MARCHF10: variants seen among roughly 807,000 people sequenced by gnomAD.
The protein encoded by MARCHF10 is membrane associated ring-CH-type finger 10, also known as probable E3 ubiquitin-protein ligase MARCHF10.
A neutral mutation model predicts 76.2 loss-of-function variants in MARCHF10; 64 were observed. That is an observed-to-expected ratio of 0.84 (90% CI 0.69 to 1.03). The LOEUF is 1.03. Among genes scored for constraint, MARCHF10 ranks in the 50% least tolerant of loss-of-function variants. The probability of loss-of-function intolerance (pLI) is 0.00; values close to 1 mark genes in which losing one functional copy is unlikely to be tolerated. For synonymous variants in MARCHF10, 340 were observed against 357.5 expected, an observed-to-expected ratio of 0.95 and a Z score of 0.55; for missense variants, 875 against 958.0, an observed-to-expected ratio of 0.91 and a Z score of 1.14.
At chr17:62,800,381 T>TA (rs1346350688) in intron 2 of MARCHF10, among the ~76,000 whole-genome samples, 1 of 152,194 alleles carries the variant, frequency 6.6e-6, no homozygotes, top group Non-Finnish European at 1.5e-5. Context: ...GAAAAGCAGT[T>TA]AGACTCCCAG....
chr17:62,784,525 G>A (rs993349532), intron 3 of MARCHF10, among the ~76,000 whole-genome samples: 19 of 152,170 alleles, frequency 1.2e-4, no homozygotes, highest in Non-Finnish European at 1.3e-4. Context: ...TCTGGCCAGG[G>A]CAATCAGGCA....
At chr17:62,713,579 A>G (rs2090041833) in intron 8 of MARCHF10, among the ~76,000 whole-genome samples, 1 of 152,152 alleles carries the variant, frequency 6.6e-6, no homozygotes, top group Non-Finnish European at 1.5e-5. Context: ...CAGCCCACCA[A>G]TCAGAGCAGG....
chr17:62,724,939 T>G lies in MARCHF10; in HGVS notation c.2103A>C (p.Ser701=). 1 of 1,611,552 alleles carries G rather than the reference T, an allele frequency of 6.2e-7. No individual in the cohort carries two copies. Among genetic ancestry groups the G allele is most frequent in the Non-Finnish European group, 8.5e-7 (1 of 1,179,080 alleles). The change falls in exon 7 of 11, where the codon TCA becomes TCC. Residue 701 remains serine, a splice_region_variant and synonymous_variant. Coordinates refer to ENST00000311269, the MANE Select transcript of MARCHF10 (RefSeq NM_152598.4). ...CACTGCACTTCCTTCCCCACCTACC[T>G]GATGTTATTTTCACTTTCAGCCACT... The part of the protein sequence containing the change: ...LKKWLKVKIT[S]GADLGAVKTC...
intron 2 of MARCHF10, among the ~76,000 whole-genome samples, chr17:62,797,245 C>T (rs1458039452): frequency 6.6e-6 from 1 of 152,146 alleles, no homozygotes; most frequent in Non-Finnish European, 1.5e-5. Context: ...ACTCTTGTTG[C>T]CCAGGCTGGA....
At chr17:62,806,818 G>A (rs893043898) in intron 1 of MARCHF10, among the ~76,000 whole-genome samples, 6 of 152,210 alleles carry the variant, frequency 3.9e-5, no homozygotes, top group Admixed American at 3.9e-4. Flanking sequence ...TAAAAGTCAT[G>A]CATACGTACC....
At chr17:62,793,808 CG>C (rs2092933004) in intron 2 of MARCHF10, among the ~76,000 whole-genome samples, 2 of 148,758 alleles carry the variant, frequency 1.3e-5, no homozygotes, top group Non-Finnish European at 1.5e-5. Context: ...CCACCTCCAT[CG>C]ACCACCACCA....
intron 6 of MARCHF10, chr17:62,735,138 G>A (rs1555694144): frequency 6.6e-6 from 1 of 152,196 alleles, no homozygotes; most frequent in Non-Finnish European, 1.5e-5. Flanking sequence ...CAGCCCACAT[G>A]AGTCATGCTA....
intron 5 of MARCHF10, among the ~76,000 whole-genome samples, chr17:62,743,500 G>A (rs954855940): frequency 3.9e-5 from 6 of 152,042 alleles, no homozygotes; most frequent in African/African-American, 9.7e-5. Context: ...AAAATTAGCC[G>A]GGCATGGTGG....
At chr17:62,741,854 C>T (rs560261167) in intron 5 of MARCHF10, among the ~76,000 whole-genome samples, 18 of 151,856 alleles carry the variant, frequency 1.2e-4, no homozygotes, top group Non-Finnish European at 1.5e-4. Flanking sequence ...GCCACCACGC[C>T]TGGCTAATTT....
At chr17:62,800,349 C>G (rs528769948) in intron 2 of MARCHF10, among the ~76,000 whole-genome samples, 115 of 152,234 alleles carry the variant, frequency 7.6e-4, no homozygotes, top group African/African-American at 2.7e-3. Flanking sequence ...AAACAGGAGC[C>G]GGGTGGCAGA....
At chr17:62,745,448 G>A (rs1348455092) in intron 4 of MARCHF10, among the ~76,000 whole-genome samples, 1 of 152,148 alleles carries the variant, frequency 6.6e-6, no homozygotes, top group Non-Finnish European at 1.5e-5. Context: ...GTTGGGATAT[G>A]CCCGCTAGCA....
At chr17:62,756,427 C>A (rs1182571798) in intron 4 of MARCHF10, among the ~76,000 whole-genome samples, 1 of 152,174 alleles carries the variant, frequency 6.6e-6, no homozygotes, top group Non-Finnish European at 1.5e-5. Context: ...GCCTGGGCAA[C>A]ACAGTAAGAC....
chr17:62,713,841 G>T (rs1231976034), intron 8 of MARCHF10, among the ~76,000 whole-genome samples: 1 of 152,200 alleles, frequency 6.6e-6, no homozygotes, highest in African/African-American at 2.4e-5. Context: ...GGAGGGGGCG[G>T]GGACATTAAA....
chr17:62,788,369 T>C, intron 3 of MARCHF10, 111 bp downstream of exon 3: 2 of 1,425,064 alleles, frequency 1.4e-6, no homozygotes, highest in Non-Finnish European at 1.9e-6. Context: ...TTTGGGAATC[T>C]GCAACATCTC....
intron 3 of MARCHF10, among the ~76,000 whole-genome samples, chr17:62,783,847 AC>A (rs1431642611): frequency 6.6e-6 from 1 of 152,216 alleles, no homozygotes; most frequent in East Asian, 1.9e-4. Flanking sequence ...CTCTGAATAG[AC>A]CAATAACAGG....
chr17:62,718,922 T>C (rs1015862961), intron 8 of MARCHF10, among the ~76,000 whole-genome samples: 1 of 152,208 alleles, frequency 6.6e-6, no homozygotes, highest in Non-Finnish European at 1.5e-5. Context: ...TCTGTAATGC[T>C]GCTGTGGCAT....
chr17:62,743,531 T>C (rs1056668098), intron 5 of MARCHF10, among the ~76,000 whole-genome samples: 2 of 152,108 alleles, frequency 1.3e-5, no homozygotes, highest in Admixed American at 1.3e-4. Context: ...TGGTCCCAGC[T>C]ACTTGGGAGG....
At chr17:62,767,911 G>A (rs1262610707) in intron 3 of MARCHF10, among the ~76,000 whole-genome samples, 1 of 152,158 alleles carries the variant, frequency 6.6e-6, no homozygotes, top group African/African-American at 2.4e-5. Context: ...TGCAACTCAG[G>A]AGAAAGGTCT....
intron 1 of MARCHF10, chr17:62,806,740 G>C (rs1422393436): frequency 6.6e-6 from 1 of 152,244 alleles, no homozygotes; most frequent in African/African-American, 2.4e-5. Flanking sequence ...TAATTTTCCA[G>C]TGAATTCCAA....
Sources: gnomAD v4.1 joint callset for allele counts (sites outside exome capture counted in the v4.1 genomes callset) on GRCh38, gnomAD v4.1.1 for gene constraint, MANE v1.5 for transcripts, NCBI Gene and HGNC (gene_info 2026-07-23, HGNC 2026-07-21) for gene names.